Variants in ADRA1A observed in about 807,000 individuals in gnomAD.
ADRA1A encodes adrenoceptor alpha 1A, also known as alpha-1A adrenergic receptor.
A neutral mutation model predicts 29.6 loss-of-function variants in ADRA1A; 31 were observed. That is an observed-to-expected ratio of 1.05 (90% confidence interval 0.79 to 1.41). The LOEUF is 1.41. Ranked by LOEUF, ADRA1A falls within the 40% of genes most tolerant of loss-of-function variation. The pLI is 0.00. For synonymous variants in ADRA1A, 311 were observed against 254.3 expected (o/e 1.22, Z -2.12); for missense variants, 619 against 601.1 (o/e 1.03, Z -0.31).
chr8:26,855,696 T>C (rs1812994843), intron 2 of ADRA1A, among the ~76,000 whole-genome samples: 1 of 152,076 alleles, frequency 6.6e-6, no homozygotes, highest in Non-Finnish European at 1.5e-5. Flanking sequence ...TGTACACCTA[T>C]GTAACAAACC....
Position 26,867,057 on chromosome 8 carries a change from A to G in ADRA1A, c.-808T>C. The G allele has an allele frequency of 1.0e-6, 1 of 985,416 alleles. No individual in the cohort carries two copies. The highest frequency in any genetic ancestry group is 1.2e-6 in the Non-Finnish European group (1 of 829,980). 61.0% of individuals were successfully genotyped at this position (985,416 alleles called of 1,614,324 possible). On this transcript the variant is annotated 5_prime_UTR_variant, in exon 1 of 3. Coordinates refer to ENST00000380573, the MANE Select transcript of ADRA1A (RefSeq NM_000680.4). ...GAGGGGACCGTGTCTCCGAGGCACC[A>G]AATCCTTGTCCTTTTGCACCCGCTG...
chr8:26,779,400 T>C (rs1463621996), intron 2 of ADRA1A: 16 of 701,902 alleles, frequency 2.3e-5, no homozygotes, highest in Non-Finnish European at 4.2e-5. Context: ...GGGTGAGTCA[T>C]TTTTTCCTTC....
intron 2 of ADRA1A, among the ~76,000 whole-genome samples, chr8:26,835,111 CT>C (rs1416994217): frequency 1.3e-5 from 2 of 152,200 alleles, no homozygotes; most frequent in Admixed American, 6.5e-5. Flanking sequence ...TCCTTAAACA[CT>C]TATTTTCTTT....
At chr8:26,782,023 G>A (rs368441821) in intron 2 of ADRA1A, among the ~76,000 whole-genome samples, 174 of 152,300 alleles carry the variant, frequency 1.1e-3, no homozygotes, top group African/African-American at 3.9e-3. Flanking sequence ...GGACAGTTCC[G>A]GGTCCTCTCC....
At chr8:26,862,775 C>T (rs912960427) in intron 2 of ADRA1A, among the ~76,000 whole-genome samples, 36 of 152,278 alleles carry the variant, frequency 2.4e-4, no homozygotes, top group African/African-American at 7.2e-4. Flanking sequence ...TCACTGGCCA[C>T]GTGTGACTAT....
intron 2 of ADRA1A, among the ~76,000 whole-genome samples, chr8:26,784,039 T>TGA (rs1159962484): frequency 6.6e-6 from 1 of 152,004 alleles, no homozygotes; most frequent in African/African-American, 2.4e-5. Flanking sequence ...GTGTGGTGAA[T>TGA]GAGAGCATCA....
intron 2 of ADRA1A, among the ~76,000 whole-genome samples, chr8:26,842,695 C>T (rs1479198805): frequency 6.6e-6 from 1 of 152,054 alleles, no homozygotes; most frequent in Non-Finnish European, 1.5e-5. Flanking sequence ...CCCAGTGGCT[C>T]CCCACTTCCT....
At chr8:26,782,888 C>T (rs61761835) in intron 2 of ADRA1A, among the ~76,000 whole-genome samples, 74 of 152,126 alleles carry the variant, frequency 4.9e-4, no homozygotes, top group Non-Finnish European at 9.6e-4. Context: ...GGGCAGCCTT[C>T]CTCTCACTTG....
chr8:26,758,635 G>C (rs1805327945), intron 2 of ADRA1A, among the ~76,000 whole-genome samples: 1 of 152,158 alleles, frequency 6.6e-6, no homozygotes, highest in South Asian at 2.1e-4. Context: ...CTGCAATGAA[G>C]CCCAGGCCCG....
rs760598565 is a variant in ADRA1A, at chr8:26,769,760, C to T, written c.*389G>A. On this transcript the variant is annotated 3_prime_UTR_variant, in exon 3 of 3. Transcript: ENST00000380573. ...TGAGCCTGAAAATAAAATCCCCTCA[C>T]TTCCATCAAGAAATAGCTCCAAACT... The T allele has an allele frequency of 9.1e-5, 91 of 995,212 alleles. No homozygotes were observed. The highest frequency in any genetic ancestry group is 1.1e-4 in the Non-Finnish European group (89 of 836,846). The allele number at this position is 995,212 out of a possible 1,614,324, so 61.6% of individuals were successfully genotyped here.
Position 26,768,862 on chromosome 8 carries a change from G to A in ADRA1A, c.*1287C>T. 3.0e-6 allele frequency: 3 copies of A among 984,582 alleles called. No individual in the cohort carries two copies. The highest frequency in any genetic ancestry group is 3.6e-6 in the Non-Finnish European group (3 of 829,188). 61.0% of individuals were successfully genotyped at this position (984,582 alleles called of 1,614,324 possible). ...TTTGGTATACATAAAGCAAAATATA[G>A]CATGTTCCCCAAGCTCTTGCAGAAA... is the stretch of plus-strand genomic sequence containing the variant. On this transcript the variant is annotated 3_prime_UTR_variant, in exon 3 of 3. Coordinates refer to ENST00000380573, the MANE Select transcript of ADRA1A (RefSeq NM_000680.4).
rs748373703 is a variant in ADRA1A at position 26,770,638 on chromosome 8, A to T, written c.912T>A (p.Ser304=). 1 of 1,613,034 alleles carries T rather than the reference A, an allele frequency of 6.2e-7. No homozygotes were observed. The highest frequency in any genetic ancestry group is 1.1e-5 in the South Asian group (1 of 91,020). ...AAAATACTATTTTAAAAACTGTTTC[A>T]GAGGGCTTGAAATCAGGGAAGAAAG... ...IGSFFPDFKP[S]ETVFKIVFWL... is the part of the protein sequence containing the mutation. Residue 304 remains serine, a synonymous_variant, in exon 3 of 3, where the codon TCT becomes TCA. Coordinates refer to ENST00000380573, the MANE Select transcript of ADRA1A (RefSeq NM_000680.4).
At chr8:26,827,292 G>T (rs1293102512) in intron 2 of ADRA1A, among the ~76,000 whole-genome samples, 1 of 152,182 alleles carries the variant, frequency 6.6e-6, no homozygotes, top group East Asian at 1.9e-4. Context: ...GGGAAATGTT[G>T]AGGTTGAATG....
downstream of ADRA1A, among the ~76,000 whole-genome samples, chr8:26,767,836 G>A (rs1805873581): frequency 6.6e-6 from 1 of 152,300 alleles, no homozygotes; most frequent in South Asian, 2.1e-4. Flanking sequence ...TTCAGATCCT[G>A]GACCAAGCTC....
In ADRA1A at chr8:26,802,776, T is replaced by A. The variant is rs368905394; in HGVS notation, c.884-32110A>T. Among the ~76,000 whole-genome samples the A allele has an allele frequency of 3.9e-5, 6 of 152,310 alleles. No individual in the cohort carries two copies. The South Asian group carries it at 1.2e-3, about 32-fold the overall frequency. On this transcript the variant is annotated intron_variant, in intron 2 of 2. Coordinates refer to ENST00000380573, the MANE Select transcript of ADRA1A (RefSeq NM_000680.4). ...TATTGAGGAGACATCTGCATTCCCA[T>A]GTTTTTGGCAACACTATTCACAATA...
downstream of ADRA1A, among the ~76,000 whole-genome samples, chr8:26,754,546 C>T (rs1176850784): frequency 1.3e-5 from 2 of 152,008 alleles, no homozygotes; most frequent in Non-Finnish European, 2.9e-5. Context: ...TAAAATCAGC[C>T]AGTCAGCCCA....
chr8:26,864,749 A>C lies in ADRA1A; in HGVS notation c.221T>G (p.Leu74Arg). 6.2e-7 allele frequency: 1 copy of C among 1,614,120 alleles called. No homozygotes were observed. Residue 74 changes from leucine to arginine, a missense_variant, in exon 2 of 3, where the codon CTG becomes CGG. Transcript: ENST00000380573. The surrounding 1 kb of genome is among the most constrained non-coding windows in gnomAD (Gnocchi z 8.1). ...GAAGGGCAGCACCGTGGAGGTGAGC[A>C]GGAGGTCGGCCACCGCCAGGTTGAC... ...YIVNLAVADL[L>R]LTSTVLPFSA...
At chr8:26,785,469 A>G (rs80227639) in intron 2 of ADRA1A, among the ~76,000 whole-genome samples, 3,037 of 152,300 alleles carry the variant, frequency 0.02, 189 homozygotes, top group East Asian at 0.2. Flanking sequence ...TTACACAGCC[A>G]GTGAGCAAAA....
In ADRA1A at chr8:26,838,067, G is replaced by A. The variant is rs1268012726; in HGVS notation, c.883+26020C>T. On this transcript the variant is annotated intron_variant, in intron 2 of 2. Coordinates refer to ENST00000380573, the MANE Select transcript of ADRA1A (RefSeq NM_000680.4). ...CACAAGACTTGTATTTCTCAGGACT[G>A]TGCAAAGTTAAGCCAAGTAGTTGAG... Among the ~76,000 whole-genome samples, 9 of 152,188 alleles carry A rather than the reference G, an allele frequency of 5.9e-5. 1 individual carries two copies. Among genetic ancestry groups the A allele is most frequent in the Admixed American group, 4.6e-4 (7 of 15,274 alleles).
Sources: gnomAD v4.1 joint callset for allele counts (sites outside exome capture counted in the v4.1 genomes callset) on GRCh38, gnomAD v4.1.1 for gene constraint, Gnocchi (gnomAD v3.1) non-coding constraint, MANE v1.5 for transcripts, NCBI Gene and HGNC (gene_info 2026-07-23, HGNC 2026-07-21) for gene names.